ITPR3: variants seen among roughly 807,000 people sequenced by gnomAD.
ITPR3 encodes the protein inositol 1,4,5-trisphosphate-gated calcium channel ITPR3.
A neutral mutation model predicts 293.2 loss-of-function variants in ITPR3; 173 were observed. The observed-to-expected ratio is 0.59, with a 90% CI of 0.52 to 0.67. ITPR3 has a LOEUF of 0.67. Among genes scored for constraint, ITPR3 ranks in the 30% least tolerant of loss-of-function variants. The pLI, the probability that ITPR3 is intolerant of heterozygous loss-of-function variation, is 0.00. For missense variants in ITPR3, 2,796 were observed against 3,592.1 expected, an observed-to-expected ratio of 0.78 and a Z score of 5.66; for synonymous variants, 1,295 against 1,444.4, an observed-to-expected ratio of 0.90 and a Z score of 2.35.
chr6:33,670,185 T>C lies in ITPR3; in HGVS notation c.2190-140T>C. 2.3e-6 allele frequency: 2 copies of C among 882,162 alleles called. No homozygotes were observed. Among genetic ancestry groups the C allele is most frequent in the Non-Finnish European group, 3.5e-6 (2 of 568,454 alleles). 54.6% of individuals were successfully genotyped at this position (882,162 alleles called of 1,614,324 possible). On this transcript the variant is annotated intron_variant, in intron 18 of 57. Transcript: ENST00000605930. This position sits in a 1 kb window ranked among gnomAD's most constrained non-coding sequence, Gnocchi z 6.7. ...CACAGACAGGTTTTCCGTTCACCTT[T>C]CTAACTCAGAATTGCAGCTGGCGCA...
chr6:33,652,224 TC>T (rs1286074017), intron 2 of ITPR3, among the ~76,000 whole-genome samples: 1 of 152,120 alleles, frequency 6.6e-6, no homozygotes, highest in African/African-American at 2.4e-5. Flanking sequence ...GTTGTGTGCC[TC>T]GTAACCTCTT....
In ITPR3 at chr6:33,687,265, C is replaced by T. The variant is rs150307621; in HGVS notation, c.6115C>T (p.Arg2039Cys). The T allele has an allele frequency of 2.2e-5, 36 of 1,613,582 alleles. 1 individual carries two copies. In the Middle Eastern group the frequency reaches 5.0e-4, roughly 22 times the overall value. The change falls in exon 45 of 58, where the codon CGT becomes TGT. Residue 2039 changes from arginine to cysteine, a missense_variant. Coordinates refer to ENST00000605930, the MANE Select transcript of ITPR3 (RefSeq NM_002224.4). The surrounding 1 kb of genome is among the most constrained non-coding windows in gnomAD (Gnocchi z 5.3). The stretch of plus-strand genomic sequence containing the variant: ...GAAGGCCTACCTGCAGGAGGAAGAG[C>T]GTGAGAACTCGGAGGTGAGCCCACG... ...IKKAYLQEEE[R>C]ENSEVSPREV... is the part of the protein sequence containing the mutation.
At position 33,685,635 on chromosome 6, in the gene ITPR3, G is replaced by T. The variant is rs774772826; in HGVS notation, c.5483-8G>T. 1.9e-6 allele frequency: 3 copies of T among 1,580,838 alleles called. No individual in the cohort carries two copies. The highest frequency in any genetic ancestry group is 1.7e-5 in the Admixed American group (1 of 58,306). On this transcript the variant is annotated splice_region_variant and splice_polypyrimidine_tract_variant and intron_variant, in intron 40 of 57. Coordinates refer to ENST00000605930, the MANE Select transcript of ITPR3 (RefSeq NM_002224.4). ...GGCAGCTCCAGCCTCACCAGGTCTC[G>T]CCCACAGGCCGCGTGGCCTCCTTCT... is the stretch of plus-strand genomic sequence containing the variant.
intron 28 of ITPR3, 134 bp from the exon 29 acceptor site, chr6:33,678,287 A>T: frequency 7.9e-7 from 1 of 1,259,780 alleles, no homozygotes; most frequent in Non-Finnish European, 1.1e-6. Flanking sequence ...TGGGGGCCCC[A>T]CTTTCCCTTT....
intron 28 of ITPR3, among the ~76,000 whole-genome samples, chr6:33,678,076 T>C (rs1038718752): frequency 1.3e-5 from 2 of 152,134 alleles, no homozygotes; most frequent in Admixed American, 6.5e-5. Context: ...TATGCTGACC[T>C]GTCCCCAGGC....
chr6:33,685,849 TG>T, intron 41 of ITPR3, 22 bp downstream of exon 41: 1 of 1,552,878 alleles, frequency 6.4e-7, no homozygotes, highest in Non-Finnish European at 8.7e-7. Flanking sequence ...GCCACACACC[TG>T]CCCCTTCCCC....
intron 2 of ITPR3, among the ~76,000 whole-genome samples, chr6:33,642,188 C>T (rs4713648): frequency 0.36 from 54,770 of 151,968 alleles, 10,714 homozygotes; most frequent in Non-Finnish European, 0.44. Context: ...CACCCAGAAT[C>T]TCCCCAGTGG....
At chr6:33,676,097 A>G (rs1229694421) in intron 25 of ITPR3, among the ~76,000 whole-genome samples, 1 of 152,268 alleles carries the variant, frequency 6.6e-6, no homozygotes. Flanking sequence ...CCTATGCTAA[A>G]TGCTTTGAAT....
chr6:33,684,768 C>T lies in ITPR3; in HGVS notation c.5138-6C>T. On this transcript the variant is annotated splice_polypyrimidine_tract_variant and splice_region_variant and intron_variant, in intron 38 of 57. Transcript: ENST00000605930. This position sits in a 1 kb window ranked among gnomAD's most constrained non-coding sequence, Gnocchi z 4.2. ...CAGCTCTCCCTCAACCGAGTCCCGC[C>T]TCCAGGCCTGGACCCAGACTGGTCG... is the stretch of plus-strand genomic sequence containing the variant. 2 of 1,610,578 alleles carry T rather than the reference C, an allele frequency of 1.2e-6. No homozygotes were observed. Among genetic ancestry groups the T allele is most frequent in the Non-Finnish European group, 1.7e-6 (2 of 1,177,626 alleles).
chr6:33,675,846 C>A lies in ITPR3; in HGVS notation c.3272C>A (p.Thr1091Asn). 1.3e-6 allele frequency: 2 copies of A among 1,567,096 alleles called. No individual in the cohort carries two copies. Among genetic ancestry groups the A allele is most frequent in the Non-Finnish European group, 1.7e-6 (2 of 1,155,988 alleles). ...HFSQRQEAMHTFKQVQLLISA... is the reference protein window; with the variant it reads ...HFSQRQEAMHNFKQVQLLISA... The stretch of plus-strand genomic sequence containing the variant: ...AGCCAGCGCCAGGAGGCCATGCACA[C>A]CTTCAAGCAGGTGACGGGACTACCT... The change falls in exon 25 of 58, where the codon ACC becomes AAC. Residue 1091 changes from threonine to asparagine, a missense_variant. By Grantham distance (65) the Thr-to-Asn change is moderately conservative. Around this residue, in one of 8 missense-constraint regions of ITPR3, gnomAD observed 955 missense variants for 1,180.8 expected, o/e 0.81. Coordinates refer to ENST00000605930, the MANE Select transcript of ITPR3 (RefSeq NM_002224.4). The surrounding 1 kb of genome is among the most constrained non-coding windows in gnomAD (Gnocchi z 5.0).
At position 33,688,723 on chromosome 6, in the gene ITPR3, C is replaced by T. The variant is rs1186290862; in HGVS notation, c.6636C>T (p.Ala2212=). 15 of 1,614,216 alleles carry T rather than the reference C, an allele frequency of 9.3e-6. No individual in the cohort carries two copies. Among genetic ancestry groups the T allele is most frequent in the African/African-American group, 1.3e-5 (1 of 75,060 alleles). Residue 2212 remains alanine, a synonymous_variant, in exon 49 of 58, where the codon GCC becomes GCT. Transcript: ENST00000605930. ...GGGGCAGCATCTCCTTCAACCTGGCCGTGTTTATCAACATCATCATTGCCT... is the reference window on the plus strand; with the variant it reads ...GGGGCAGCATCTCCTTCAACCTGGCTGTGTTTATCAACATCATCATTGCCT... ...TLWGSISFNL[A]VFINIIIAFF...
At chr6:33,662,330 G>A (rs936043097) in intron 7 of ITPR3, among the ~76,000 whole-genome samples, 198 bp from the exon 8 acceptor site, 1 of 152,102 alleles carries the variant, frequency 6.6e-6, no homozygotes, top group African/African-American at 2.4e-5. Flanking sequence ...GGTCTGGGAT[G>A]CGGGCTGAGG....
At chr6:33,659,692 C>A in intron 7 of ITPR3, 143 bp downstream of exon 7, 1 of 673,380 alleles carries the variant, frequency 1.5e-6, no homozygotes, top group South Asian at 1.8e-5. Flanking sequence ...TCCACCTCCA[C>A]AGGGCCCCAC....
At position 33,666,089 on chromosome 6, in the gene ITPR3, C is replaced by G; in HGVS notation, c.1551+113C>G. On this transcript the variant is annotated intron_variant, in intron 14 of 57. Coordinates refer to ENST00000605930, the MANE Select transcript of ITPR3 (RefSeq NM_002224.4). The surrounding 1 kb of genome is among the most constrained non-coding windows in gnomAD (Gnocchi z 5.1). ...AAAAATCAGTATATATGGGGCACGACCACGTGCCAGGGACTTCCCTAAGTA... is the reference window on the plus strand; with the variant it reads ...AAAAATCAGTATATATGGGGCACGAGCACGTGCCAGGGACTTCCCTAAGTA... The G allele has an allele frequency of 7.9e-7, 1 of 1,263,368 alleles. No individual in the cohort carries two copies. Among genetic ancestry groups the G allele is most frequent in the Non-Finnish European group, 1.1e-6 (1 of 925,854 alleles). The allele number at this position is 1,263,368 out of a possible 1,614,324, so 78.3% of individuals were successfully genotyped here. A position where few individuals can be genotyped will look rare whatever the true frequency, so the allele number is the denominator to read the frequency against.
At chr6:33,644,942 G>T (rs1051983816) in intron 2 of ITPR3, among the ~76,000 whole-genome samples, 1 of 151,366 alleles carries the variant, frequency 6.6e-6, no homozygotes, top group Non-Finnish European at 1.5e-5. Flanking sequence ...GGGATTACAG[G>T]TATGAGCCAC....
rs1765536736 is a variant in ITPR3 at position 33,696,085 on chromosome 6, T to A, written c.*305T>A. On this transcript the variant is annotated 3_prime_UTR_variant, in exon 58 of 58. Coordinates refer to ENST00000605930, the MANE Select transcript of ITPR3 (RefSeq NM_002224.4). ...GTTCCTTAAAGCAATAACTGACAACTCTTTGTAGTCCTCCTTGTGGGTAGT... is the reference window on the plus strand; with the variant it reads ...GTTCCTTAAAGCAATAACTGACAACACTTTGTAGTCCTCCTTGTGGGTAGT... 5.4e-6 allele frequency: 2 copies of A among 368,446 alleles called. No homozygotes were observed. The highest frequency in any genetic ancestry group is 1.0e-5 in the Non-Finnish European group (2 of 200,636). 22.8% of individuals were successfully genotyped at this position (368,446 alleles called of 1,614,324 possible).
chr6:33,663,675 C>G, intron 10 of ITPR3, 63 bp from the exon 11 acceptor site: 9 of 1,609,720 alleles, frequency 5.6e-6, no homozygotes, highest in Non-Finnish European at 6.8e-6. Flanking sequence ...AGGTGGGATC[C>G]CAGGTGCTTC....
intron 7 of ITPR3, among the ~76,000 whole-genome samples, chr6:33,660,721 G>A (rs1221197315): frequency 6.6e-6 from 1 of 152,130 alleles, no homozygotes; most frequent in Non-Finnish European, 1.5e-5. Flanking sequence ...TTGAGGTCAG[G>A]AGCTCAAGAC....
At position 33,633,637 on chromosome 6, in the gene ITPR3, C is replaced by A. The variant is rs922304187; in HGVS notation, c.90-6847C>A. ...TGGCGGAGGCGCGGCGTCCTGGCAG[C>A]GGCCGGCAGTCGGAGGCAGGCCGGG... On this transcript the variant is annotated intron_variant, in intron 1 of 57. Transcript: ENST00000605930. The surrounding 1 kb of genome is among the most constrained non-coding windows in gnomAD (Gnocchi z 5.2). 2.6e-5 allele frequency among the ~76,000 whole-genome samples: 4 copies of A among 151,172 alleles called. No individual in the cohort carries two copies. The highest frequency in any genetic ancestry group is 4.8e-5 in the African/African-American group (2 of 41,312).
Sources: gnomAD v4.1 joint callset for allele counts (sites outside exome capture counted in the v4.1 genomes callset) on GRCh38, gnomAD v4.1.1 for gene constraint, gnomAD v4.1.1 regional missense constraint, Gnocchi (gnomAD v3.1) non-coding constraint, MANE v1.5 for transcripts, NCBI Gene and HGNC (gene_info 2026-07-23, HGNC 2026-07-21) for gene names.